The following C1QTNF3 variants were observed in gnomAD, a reference collection of about 807,000 sequenced individuals.
C1QTNF3 encodes the protein C1q and TNF related 3.
Under a neutral mutation model 32.6 loss-of-function variants are expected in C1QTNF3, and 26 were observed. The observed-to-expected ratio is 0.80, with a 90% CI of 0.58 to 1.11. The LOEUF is 1.11. C1QTNF3 is among the 50% of genes least tolerant of loss of function. The pLI is 0.00. For missense variants in C1QTNF3, 362 were observed against 398.2 expected (o/e 0.91, Z 0.77); for synonymous variants, 155 against 146.0 (o/e 1.06, Z -0.44).
the C1QTNF3 span, among the ~76,000 whole-genome samples, chr5:34,056,608 G>C: frequency 6.6e-6 from 1 of 151,030 alleles, no homozygotes; most frequent in Non-Finnish European, 1.5e-5. Flanking sequence ...GACCTCCCGG[G>C]CTCAAGTGAT....
the C1QTNF3 span, chr5:34,165,055 T>C: frequency 6.6e-6 from 1 of 152,070 alleles, no homozygotes; most frequent in African/African-American, 2.4e-5. Flanking sequence ...AAAACAAAAA[T>C]GCATAGGAAA....
chr5:34,042,883 T>G lies in C1QTNF3; in HGVS notation c.243A>C (p.Pro81=), dbSNP rs745730855. 1.2e-6 allele frequency: 2 copies of G among 1,614,196 alleles called. No homozygotes were observed. The highest frequency in any genetic ancestry group is 1.1e-5 in the South Asian group (1 of 91,080). The part of the protein sequence containing the change: ...NTSTDLKSLR[P]DELPHPEVDD... Reference sequence around the variant, plus strand: ...CTACCTCGGGGTGCGGTAGCTCATCTGGTCTCAGGGATTTTAGGTCTGTAG... The same window carrying G: ...CTACCTCGGGGTGCGGTAGCTCATCGGGTCTCAGGGATTTTAGGTCTGTAG... Residue 81 remains proline, a synonymous_variant, in exon 1 of 6, where the codon CCA becomes CCC. Coordinates refer to ENST00000382065, the MANE Select transcript of C1QTNF3 (RefSeq NM_181435.6).
At chr5:34,224,338 C>T in the C1QTNF3 span, among the ~76,000 whole-genome samples, 8 of 152,188 alleles carry the variant, frequency 5.3e-5, no homozygotes, top group Admixed American at 2.0e-4. Flanking sequence ...GAGCCCGCAT[C>T]GCCAAGTCAA....
At chr5:34,172,692 T>C in the C1QTNF3 span, among the ~76,000 whole-genome samples, 3 of 152,216 alleles carry the variant, frequency 2.0e-5, no homozygotes, top group Admixed American at 6.5e-5. Context: ...TGTTAACCAA[T>C]ACTCTGTATG....
chr5:34,177,541 C>T, the C1QTNF3 span, among the ~76,000 whole-genome samples: 1 of 136,164 alleles, frequency 7.3e-6, no homozygotes, highest in South Asian at 2.3e-4. Flanking sequence ...GGCTGGAGTG[C>T]AGTGGCACAA....
chr5:34,107,474 G>A, the C1QTNF3 span, among the ~76,000 whole-genome samples: 58 of 151,964 alleles, frequency 3.8e-4, no homozygotes, highest in Non-Finnish European at 7.5e-4. Flanking sequence ...GACAATAACT[G>A]TCATCAACAA....
At chr5:34,128,372 C>G in the C1QTNF3 span, among the ~76,000 whole-genome samples, 3 of 152,222 alleles carry the variant, frequency 2.0e-5, no homozygotes, top group African/African-American at 7.2e-5. Context: ...GGTTGGAGCC[C>G]TCACACAGAG....
At chr5:34,215,191 ATTACT>A in the C1QTNF3 span, among the ~76,000 whole-genome samples, 4 of 152,176 alleles carry the variant, frequency 2.6e-5, no homozygotes, top group Non-Finnish European at 4.4e-5. Context: ...AACCTTCAAC[ATTACT>A]TCACTTAAAT....
the C1QTNF3 span, among the ~76,000 whole-genome samples, chr5:34,221,723 T>C: frequency 1.3e-3 from 195 of 151,326 alleles, no homozygotes; most frequent in Non-Finnish European, 2.4e-3. Context: ...AGTATTTCAA[T>C]AATGTTATTT....
the C1QTNF3 span, among the ~76,000 whole-genome samples, chr5:34,085,877 G>A: frequency 1.3e-5 from 2 of 151,452 alleles, 1 homozygote; most frequent in African/African-American, 4.9e-5. Flanking sequence ...GGAAGATAGT[G>A]TGGCAATTCC....
intron 2 of C1QTNF3, among the ~76,000 whole-genome samples, chr5:34,034,523 A>G (rs1754691209): frequency 1.3e-5 from 2 of 152,212 alleles, no homozygotes. Context: ...TATTTTTAAT[A>G]TTTGCTAAAT....
the C1QTNF3 span, among the ~76,000 whole-genome samples, chr5:34,068,788 G>A: frequency 1.7e-4 from 26 of 152,272 alleles, no homozygotes; most frequent in African/African-American, 5.8e-4. Context: ...GTGGTTTACA[G>A]AGTGTAACAT....
chr5:34,031,249 G>A (rs568257802), intron 3 of C1QTNF3, among the ~76,000 whole-genome samples: 62 of 152,312 alleles, frequency 4.1e-4, no homozygotes, highest in South Asian at 1.2e-3. Flanking sequence ...CAAAGAATGT[G>A]AAGTTCCCTC....
chr5:34,156,308 T>C, the C1QTNF3 span, among the ~76,000 whole-genome samples: 36 of 152,272 alleles, frequency 2.4e-4, no homozygotes, highest in Non-Finnish European at 3.8e-4. Context: ...TGACCTCAGG[T>C]GATCCACCCG....
At chr5:34,155,146 A>T in the C1QTNF3 span, among the ~76,000 whole-genome samples, 1 of 152,166 alleles carries the variant, frequency 6.6e-6, no homozygotes, top group South Asian at 2.1e-4. Context: ...AATCATCAAG[A>T]TTATGACTAA....
chr5:34,145,851 C>G, the C1QTNF3 span, among the ~76,000 whole-genome samples: 2 of 151,860 alleles, frequency 1.3e-5, no homozygotes, highest in Non-Finnish European at 2.9e-5. Context: ...TGTTTCAACC[C>G]GTACAAATCT....
chr5:34,080,048 T>C, the C1QTNF3 span, among the ~76,000 whole-genome samples: 1 of 151,772 alleles, frequency 6.6e-6, no homozygotes, highest in Non-Finnish European at 1.5e-5. Context: ...TCCAAATTCA[T>C]CACGTTGTAT....
intron 1 of C1QTNF3, among the ~76,000 whole-genome samples, chr5:34,036,797 C>A (rs1350546673): frequency 6.6e-6 from 1 of 151,950 alleles, no homozygotes; most frequent in African/African-American, 2.4e-5. Context: ...ACTAAAAATA[C>A]AAAAATTAGC....
At chr5:34,046,746 C>T (rs1754991849), upstream of C1QTNF3, among the ~76,000 whole-genome samples, 1 of 152,092 alleles carries the variant, frequency 6.6e-6, no homozygotes, top group East Asian at 1.9e-4. Context: ...GAAAACTTTT[C>T]AAAACAACAA....
Sources: allele counts gnomAD v4.1 joint callset (sites outside exome capture counted in the v4.1 genomes callset), GRCh38; gene constraint gnomAD v4.1.1; transcripts MANE v1.5; gene names NCBI Gene and HGNC (gene_info 2026-07-23, HGNC 2026-07-21).